DDR2: variants seen among roughly 807,000 people sequenced by gnomAD.
DDR2 encodes the protein discoidin domain receptor tyrosine kinase 2, also known as discoidin domain-containing receptor 2.
In DDR2, 27 loss-of-function variants were observed where a neutral mutation model predicts 94.9. The observed-to-expected ratio is 0.28, with a 90% CI of 0.21 to 0.39. DDR2 has a LOEUF of 0.39. Ranked by LOEUF, DDR2 falls within the 10% of genes least tolerant of loss-of-function variation. DDR2 has a pLI of 1.00. For synonymous variants in DDR2, 382 were observed against 377.2 expected (o/e 1.01, Z -0.15); for missense variants, 783 against 1,076.0 (o/e 0.73, Z 3.81).
chr1:162,654,322 T>G (rs898966212), intron 1 of DDR2, among the ~76,000 whole-genome samples: 4 of 152,044 alleles, frequency 2.6e-5, no homozygotes, highest in African/African-American at 9.7e-5. Flanking sequence ...GGTGTGTGCC[T>G]GTAGTCCTAG....
At chr1:162,708,002 A>G (rs906705526) in intron 2 of DDR2, among the ~76,000 whole-genome samples, 5 of 152,206 alleles carry the variant, frequency 3.3e-5, no homozygotes, top group African/African-American at 1.2e-4. Flanking sequence ...TTCTGAAGTT[A>G]TCACTACAGG....
chr1:162,655,114 G>T (rs949004377), intron 1 of DDR2, 97 bp from the exon 2 acceptor site: 1 of 152,016 alleles, frequency 6.6e-6, no homozygotes, highest in Non-Finnish European at 1.5e-5. Flanking sequence ...TGCTTGGAAG[G>T]TTTCTGTTGC....
chr1:162,665,229 A>G (rs1658493194), intron 2 of DDR2, among the ~76,000 whole-genome samples: 1 of 152,230 alleles, frequency 6.6e-6, no homozygotes, highest in South Asian at 2.1e-4. Context: ...TAAACATCAT[A>G]AAGTGGATCG....
intron 2 of DDR2, among the ~76,000 whole-genome samples, chr1:162,711,503 T>C (rs1660914033): frequency 6.6e-6 from 1 of 152,210 alleles, no homozygotes. Context: ...AGAGAAAAAG[T>C]TGTTTTTTGC....
intron 3 of DDR2, among the ~76,000 whole-genome samples, chr1:162,751,332 C>G (rs1014218847): frequency 6.6e-6 from 1 of 152,028 alleles, no homozygotes; most frequent in Non-Finnish European, 1.5e-5. Context: ...AAAAAATGGG[C>G]AAAGAATATG....
intron 2 of DDR2, among the ~76,000 whole-genome samples, chr1:162,709,163 C>A (rs187529035): frequency 1.5e-3 from 224 of 152,248 alleles, no homozygotes; most frequent in Non-Finnish European, 2.6e-3. Flanking sequence ...GACTCAAACC[C>A]AGCAAGCCTG....
rs147227067 is a variant in DDR2, at chr1:162,750,146, A to G, written c.83-2949A>G. ...ATAGTTTGGATGTTCTGGCCAGGGC[A>G]ATCAGGCAGGAGAAAGAAATAAAGG... is the stretch of plus-strand genomic sequence containing the variant. On this transcript the variant is annotated intron_variant, in intron 3 of 17. Transcript: ENST00000367921. Among the ~76,000 whole-genome samples, 229 of 152,380 alleles carry G rather than the reference A, an allele frequency of 1.5e-3. 2 individuals carry two copies. Among genetic ancestry groups the G allele is most frequent in the Middle Eastern group, 0.01 (3 of 294 alleles).
At chr1:162,644,704 C>G (rs1210468558) in intron 1 of DDR2, among the ~76,000 whole-genome samples, 2 of 151,710 alleles carry the variant, frequency 1.3e-5, no homozygotes, top group Non-Finnish European at 2.9e-5. Flanking sequence ...TCAAGTGATT[C>G]TCCTGCCTCA....
At chr1:162,771,287 T>G (rs1664254464) in intron 12 of DDR2, among the ~76,000 whole-genome samples, 2 of 152,112 alleles carry the variant, frequency 1.3e-5, no homozygotes, top group African/African-American at 4.8e-5. Context: ...AAAGAACTTG[T>G]AGTGTTCAGG....
intron 1 of DDR2, among the ~76,000 whole-genome samples, chr1:162,645,346 A>G (rs546640711): frequency 6.6e-6 from 1 of 152,362 alleles, no homozygotes; most frequent in South Asian, 2.1e-4. Flanking sequence ...TATAATTTTA[A>G]AACTAGGTAT....
At chr1:162,634,619 G>A (rs184005329) in intron 1 of DDR2, among the ~76,000 whole-genome samples, 5 of 152,332 alleles carry the variant, frequency 3.3e-5, no homozygotes, top group Admixed American at 6.5e-5. Context: ...TTGAATGGAA[G>A]CAGGCCTTCC....
At chr1:162,685,336 C>T (rs1659633934) in intron 2 of DDR2, among the ~76,000 whole-genome samples, 1 of 152,138 alleles carries the variant, frequency 6.6e-6, no homozygotes, top group South Asian at 2.1e-4. Flanking sequence ...CCTTAAAATA[C>T]TATACCATAT....
intron 2 of DDR2, among the ~76,000 whole-genome samples, chr1:162,689,841 T>TAAAAAAAAAACAAAAAAAAAAAAAAA (rs1558028580): frequency 6.8e-5 from 1 of 14,686 alleles, no homozygotes; most frequent in Non-Finnish European, 1.7e-4. Flanking sequence ...CCATCTCTAC[T>TAAAAAAAAAACAAAAAAAAAAAAAAA]TAAAAAAAAA....
At chr1:162,692,577 A>G (rs1199497639) in intron 2 of DDR2, among the ~76,000 whole-genome samples, 1 of 152,236 alleles carries the variant, frequency 6.6e-6, no homozygotes, top group Non-Finnish European at 1.5e-5. Context: ...TACCTCAGTC[A>G]CTAGGGAAAT....
At chr1:162,753,792 G>T (rs1663329431) in intron 4 of DDR2, among the ~76,000 whole-genome samples, 1 of 152,126 alleles carries the variant, frequency 6.6e-6, no homozygotes, top group African/African-American at 2.4e-5. Flanking sequence ...TGCTCTACTG[G>T]TTGGACCCAA....
intron 2 of DDR2, among the ~76,000 whole-genome samples, chr1:162,703,673 A>G (rs1571219539): frequency 6.6e-6 from 1 of 152,324 alleles, no homozygotes; most frequent in East Asian, 1.9e-4. Context: ...GAGAGATACT[A>G]TCTTCACCTT....
intron 1 of DDR2, among the ~76,000 whole-genome samples, chr1:162,653,454 G>T (rs1312651703): frequency 6.6e-6 from 1 of 152,032 alleles, no homozygotes; most frequent in Non-Finnish European, 1.5e-5. Context: ...GCGAGTGCCT[G>T]TAATCCCAGG....
At chr1:162,650,667 C>T (rs961212563) in intron 1 of DDR2, among the ~76,000 whole-genome samples, 20 of 152,048 alleles carry the variant, frequency 1.3e-4, no homozygotes, top group African/African-American at 4.3e-4. Context: ...CCAGGCTTTT[C>T]GACTCCCTCC....
At chr1:162,664,158 T>C (rs892288737) in intron 2 of DDR2, among the ~76,000 whole-genome samples, 2 of 152,134 alleles carry the variant, frequency 1.3e-5, no homozygotes, top group Non-Finnish European at 2.9e-5. Context: ...TACAAACTAA[T>C]TTTATGAAGA....
Sources: allele counts gnomAD v4.1 joint callset (sites outside exome capture counted in the v4.1 genomes callset), GRCh38; gene constraint gnomAD v4.1.1; transcripts MANE v1.5; gene names NCBI Gene and HGNC (gene_info 2026-07-23, HGNC 2026-07-21).